The following SCN11A variants were observed in gnomAD, a reference collection of about 807,000 sequenced individuals.
SCN11A encodes the protein sodium channel protein type 11 subunit alpha.
A neutral mutation model predicts 162.2 loss-of-function variants in SCN11A; 122 were observed. That is an observed-to-expected ratio of 0.75 (90% CI 0.65 to 0.87). SCN11A has a LOEUF of 0.87. Among genes scored for constraint, SCN11A ranks in the 40% least tolerant of loss-of-function variants. The pLI is 0.00. For missense variants in SCN11A, 2,015 were observed against 2,181.6 expected, an observed-to-expected ratio of 0.92 and a Z score of 1.52; for synonymous variants, 758 against 751.5, an observed-to-expected ratio of 1.01 and a Z score of -0.14.
chr3:38,945,175 C>A (rs2066497265), intron 7 of SCN11A, among the ~76,000 whole-genome samples: 1 of 152,062 alleles, frequency 6.6e-6, no homozygotes, highest in Non-Finnish European at 1.5e-5. Context: ...ATATAACCAT[C>A]AAAATGGATA....
chr3:38,915,995 C>T (rs1012901507), intron 11 of SCN11A, among the ~76,000 whole-genome samples: 2 of 152,144 alleles, frequency 1.3e-5, no homozygotes, highest in East Asian at 1.9e-4. Context: ...CTGTCTTGGG[C>T]GCATATACCT....
chr3:38,956,685 A>G (rs1575334812), intron 3 of SCN11A, among the ~76,000 whole-genome samples: 1 of 152,206 alleles, frequency 6.6e-6, no homozygotes, highest in African/African-American at 2.4e-5. Context: ...AATTCAGGTT[A>G]TCTATTAGTT....
intron 11 of SCN11A, among the ~76,000 whole-genome samples, chr3:38,916,836 A>T (rs1185337249): frequency 6.6e-6 from 1 of 152,176 alleles, no homozygotes; most frequent in Non-Finnish European, 1.5e-5. Flanking sequence ...CAGTGACTGG[A>T]GGGTGAAGAC....
At chr3:38,992,400 C>T (rs1322589648) in intron 2 of SCN11A, among the ~76,000 whole-genome samples, 2 of 152,226 alleles carry the variant, frequency 1.3e-5, no homozygotes, top group African/African-American at 4.8e-5. Flanking sequence ...TGATAGACAA[C>T]ATGCTGCTCT....
At chr3:38,856,662 C>T (rs986158473) in intron 28 of SCN11A, among the ~76,000 whole-genome samples, 2 of 152,122 alleles carry the variant, frequency 1.3e-5, no homozygotes, top group Non-Finnish European at 2.9e-5. Context: ...TCAGGGATAC[C>T]TTCTCTATTG....
intron 7 of SCN11A, among the ~76,000 whole-genome samples, chr3:38,944,133 T>C: frequency 6.6e-6 from 1 of 152,220 alleles, no homozygotes; most frequent in Non-Finnish European, 1.5e-5. Context: ...GTCTAACCCA[T>C]CTGGAAATTA....
At position 38,962,861 on chromosome 3, in the gene SCN11A, A is replaced by AAAT. The variant is rs973301518; in HGVS notation, c.-279-2441_-279-2439dup. Among the ~76,000 whole-genome samples the AAAT allele has an allele frequency of 1.2e-3, 189 of 151,432 alleles. 1 individual carries two copies. In the South Asian group the frequency reaches 0.017, roughly 13 times the overall value. On this transcript the variant is annotated intron_variant, in intron 2 of 29. Transcript: ENST00000302328. ...AAACTCCGTCTAAAAATAAAAAATA[A>AAAT]AATAATAATAATAATAATAATAGTG...
rs2064700525 is a variant in SCN11A at position 38,847,760 on chromosome 3, A to T, written c.4328-18T>A. 1 of 1,516,826 alleles carries T rather than the reference A, an allele frequency of 6.6e-7. No individual in the cohort carries two copies. The highest frequency in any genetic ancestry group is 1.2e-5 in the South Asian group (1 of 82,652). The allele number at this position is 1,516,826 out of a possible 1,614,324, so 94.0% of individuals were successfully genotyped here. A position where few individuals can be genotyped will look rare whatever the true frequency, so the allele number is the denominator to read the frequency against. Reference sequence around the variant, plus strand: ...CATTGTACCTCAGGAGAAGGAGAAAAGTAAATAAGTTTCCAGAAGGCACAC... The same window carrying T: ...CATTGTACCTCAGGAGAAGGAGAAATGTAAATAAGTTTCCAGAAGGCACAC... On this transcript the variant is annotated intron_variant, in intron 29 of 29. Transcript: ENST00000302328.
chr3:38,964,437 G>A (rs765924589), intron 2 of SCN11A, among the ~76,000 whole-genome samples: 6 of 152,194 alleles, frequency 3.9e-5, no homozygotes, highest in Non-Finnish European at 7.3e-5. Flanking sequence ...TTAGGAGCAT[G>A]CATCTGCTGC....
intron 19 of SCN11A, among the ~76,000 whole-genome samples, chr3:38,888,226 A>C (rs1377278329): frequency 6.6e-6 from 1 of 152,232 alleles, no homozygotes; most frequent in East Asian, 1.9e-4. Context: ...GTACAACCTC[A>C]GAAATGGGAC....
Position 39,020,582 on chromosome 3 carries a change from G to A in SCN11A, c.-280+11798C>T, listed in dbSNP as rs552904195. Among the ~76,000 whole-genome samples, 4 of 152,302 alleles carry A rather than the reference G, an allele frequency of 2.6e-5. No homozygotes were observed. The South Asian group carries it at 8.3e-4, about 32-fold the overall frequency. ...TTCCTGTCCCTTGAGAGAGAAAATCGAAGGTGTGTTGTATATATTCTTCCT... is the reference window on the plus strand; with the variant it reads ...TTCCTGTCCCTTGAGAGAGAAAATCAAAGGTGTGTTGTATATATTCTTCCT... On this transcript the variant is annotated intron_variant, in intron 2 of 29. Coordinates refer to ENST00000302328, the MANE Select transcript of SCN11A (RefSeq NM_001349253.2).
chr3:38,971,628 C>T (rs1225077030), intron 2 of SCN11A, among the ~76,000 whole-genome samples: 1 of 152,170 alleles, frequency 6.6e-6, no homozygotes, highest in Admixed American at 6.5e-5. Flanking sequence ...CCTCTTCTTC[C>T]AGGGAGCTTT....
chr3:38,875,958 CTG>C (rs763549304), intron 23 of SCN11A, among the ~76,000 whole-genome samples: 14 of 152,200 alleles, frequency 9.2e-5, no homozygotes, highest in Admixed American at 1.3e-4. Flanking sequence ...AGACCTCTAA[CTG>C]TACTATAAGG....
intron 2 of SCN11A, among the ~76,000 whole-genome samples, chr3:38,996,270 A>T (rs1575351898): frequency 6.6e-6 from 1 of 152,208 alleles, no homozygotes; most frequent in East Asian, 1.9e-4. Flanking sequence ...TCACAGAGAA[A>T]ATACAGTCAA....
At chr3:38,950,987 C>T (rs2066604454) in intron 4 of SCN11A, among the ~76,000 whole-genome samples, 1 of 152,266 alleles carries the variant, frequency 6.6e-6, no homozygotes, top group Admixed American at 6.5e-5. Flanking sequence ...TGACAGCGTG[C>T]TGGCAGTCCT....
intron 19 of SCN11A, among the ~76,000 whole-genome samples, chr3:38,891,633 C>G (rs1256163073): frequency 1.3e-5 from 2 of 152,132 alleles, no homozygotes; most frequent in Non-Finnish European, 2.9e-5. Flanking sequence ...GATCAACAGG[C>G]CAGTATCTTG....
At chr3:38,950,069 A>ACCAC in intron 5 of SCN11A, 27 bp downstream of exon 5, 1 of 65,030 alleles carries the variant, frequency 1.5e-5, no homozygotes, top group Non-Finnish European at 3.1e-5. Flanking sequence ...CCCCACCCCC[A>ACCAC]CCCCCCCCCC....
At chr3:38,887,851 C>A (rs1026815522) in intron 19 of SCN11A, among the ~76,000 whole-genome samples, 7 of 152,150 alleles carry the variant, frequency 4.6e-5, no homozygotes, top group Non-Finnish European at 7.4e-5. Flanking sequence ...GCAACTCTGA[C>A]ATTATAAGGT....
At chr3:38,850,894 C>T (rs2126079945) in intron 28 of SCN11A, 143 bp from the exon 29 acceptor site, 1 of 611,154 alleles carries the variant, frequency 1.6e-6, no homozygotes, top group Non-Finnish European at 2.6e-6. Context: ...TTTCAAAGGG[C>T]AAGAAATTCT....
Sources: allele counts gnomAD v4.1 joint callset (sites outside exome capture counted in the v4.1 genomes callset), GRCh38; gene constraint gnomAD v4.1.1; transcripts MANE v1.5; gene names NCBI Gene and HGNC (gene_info 2026-07-23, HGNC 2026-07-21).